Variants in DDHD1 observed in about 807,000 individuals in gnomAD.
DDHD1 encodes phospholipase DDHD1.
Under a neutral mutation model 96.4 loss-of-function variants are expected in DDHD1, and 49 were observed. The observed-to-expected ratio is 0.51, with a 90% confidence interval of 0.40 to 0.64. The LOEUF (loss-of-function observed/expected upper bound fraction) is 0.64. DDHD1 is among the 30% of genes least tolerant of loss of function. The pLI is 0.00. For missense variants in DDHD1, 1,106 were observed against 1,161.2 expected, an observed-to-expected ratio of 0.95 and a Z score of 0.69; for synonymous variants, 442 against 446.5, an observed-to-expected ratio of 0.99 and a Z score of 0.13.
At chr14:53,059,135 G>A (rs772011771) in intron 8 of DDHD1, among the ~76,000 whole-genome samples, 4 of 152,170 alleles carry the variant, frequency 2.6e-5, no homozygotes, top group African/African-American at 4.8e-5. Context: ...GACGAGAAAG[G>A]TTTCTACAGC....
chr14:53,135,862 G>C (rs1249394337), intron 1 of DDHD1, among the ~76,000 whole-genome samples: 1 of 152,164 alleles, frequency 6.6e-6, no homozygotes, highest in African/African-American at 2.4e-5. Context: ...AGACAGAAGA[G>C]GACAGTGATC....
At chr14:53,062,879 C>T in intron 7 of DDHD1, 64 bp downstream of exon 7, 6 of 1,516,990 alleles carry the variant, frequency 4.0e-6, no homozygotes, top group East Asian at 2.3e-5. Flanking sequence ...TTAGTTTTCT[C>T]GTAAGAGGTC....
In DDHD1 at chr14:53,054,526, A is replaced by T; in HGVS notation, c.2349T>A (p.Asp783Glu). ...SSETSKDSME[D>E]EKKPVASPSA... is the part of the protein sequence containing the mutation. The stretch of plus-strand genomic sequence containing the variant: ...AAGGTGAGGCAACTGGCTTCTTCTC[A>T]TCTTCCATTGAGTCTTTTGATGTTT... The change falls in exon 11 of 13, where the codon GAT becomes GAA. Residue 783 changes from aspartate (D) to glutamate (E), a missense_variant. Asp to Glu is a conservative substitution (Grantham distance 45). Around this residue, in one of 2 missense-constraint regions of DDHD1, gnomAD observed 650 missense variants for 758.8 expected, o/e 0.86. Coordinates refer to ENST00000673822, the MANE Select transcript of DDHD1 (RefSeq NM_001160148.2). The T allele has an allele frequency of 6.2e-7, 1 of 1,614,144 alleles. No homozygotes were observed. Among genetic ancestry groups the T allele is most frequent in the Non-Finnish European group, 8.5e-7 (1 of 1,179,982 alleles).
In DDHD1 at chr14:53,051,902, A is replaced by G; in HGVS notation, c.2463T>C (p.Phe821=). The part of the protein sequence containing the change: ...SAYFRLQESF[F]NLPQLLFPEN... ...CCGGAAAAAGAAGTTGTGGGAGATT[A>G]AAGAACGATTCTTGAAGTCTGAAAT... Residue 821 remains phenylalanine (F), a synonymous_variant, in exon 12 of 13, where the codon TTT becomes TTC. Coordinates refer to ENST00000673822, the MANE Select transcript of DDHD1 (RefSeq NM_001160148.2). 3 of 1,595,568 alleles carry G rather than the reference A, an allele frequency of 1.9e-6. No homozygotes were observed.
rs536685410 is a variant in DDHD1 at position 53,071,377 on chromosome 14, T to C, written c.1503+1220A>G. 7.9e-5 allele frequency among the ~76,000 whole-genome samples: 12 copies of C among 152,194 alleles called. No individual in the cohort carries two copies. In the South Asian group the frequency reaches 2.5e-3, roughly 32 times the overall value. Reference sequence around the variant, plus strand: ...TTTTCAGAGGGAAAAAAAAGAATAATTGCAAATATTTCCACGGTTATCTCT... The same window carrying C: ...TTTTCAGAGGGAAAAAAAAGAATAACTGCAAATATTTCCACGGTTATCTCT... On this transcript the variant is annotated intron_variant, in intron 6 of 12. Coordinates refer to ENST00000673822, the MANE Select transcript of DDHD1 (RefSeq NM_001160148.2).
chr14:53,081,408 T>C (rs543216914), intron 4 of DDHD1, among the ~76,000 whole-genome samples: 51 of 152,318 alleles, frequency 3.3e-4, no homozygotes, highest in African/African-American at 1.2e-3. Context: ...CATTGTGGCA[T>C]AGTAATTAGG....
At chr14:53,098,526 C>T (rs116479185) in intron 2 of DDHD1, among the ~76,000 whole-genome samples, 4 of 151,928 alleles carry the variant, frequency 2.6e-5, no homozygotes, top group Admixed American at 2.0e-4. Flanking sequence ...AACCTGCCAA[C>T]TATAATGAGA....
chr14:53,093,305 T>C lies in DDHD1; in HGVS notation c.1141+11A>G. 1 of 1,601,756 alleles carries C rather than the reference T, an allele frequency of 6.2e-7. No homozygotes were observed. Among genetic ancestry groups the C allele is most frequent in the East Asian group, 2.2e-5 (1 of 44,660 alleles). On this transcript the variant is annotated intron_variant, in intron 3 of 12. Coordinates refer to ENST00000673822, the MANE Select transcript of DDHD1 (RefSeq NM_001160148.2). ...AAATTTTGATAAGCTCTAGTAATAT[T>C]TAACAATTACCTTTAGAAAATCCCA...
intron 11 of DDHD1, chr14:53,052,731 T>A (rs1422891229): frequency 3.3e-5 from 5 of 151,966 alleles, no homozygotes; most frequent in Admixed American, 6.6e-5. Flanking sequence ...ATGTGTAATA[T>A]GTATAATATA....
At chr14:53,124,819 C>T (rs933512642) in intron 1 of DDHD1, among the ~76,000 whole-genome samples, 7 of 152,156 alleles carry the variant, frequency 4.6e-5, no homozygotes, top group Admixed American at 6.5e-5. Flanking sequence ...AAAGATTGAG[C>T]GGCTTAAACA....
chr14:53,111,304 T>C (rs1291222024), intron 1 of DDHD1, among the ~76,000 whole-genome samples: 3 of 152,252 alleles, frequency 2.0e-5, no homozygotes, highest in African/African-American at 7.2e-5. Flanking sequence ...TGTTTTCTTA[T>C]AGAAAAACAT....
chr14:53,144,728 T>C (rs1308279579), intron 1 of DDHD1, among the ~76,000 whole-genome samples: 2 of 152,316 alleles, frequency 1.3e-5, no homozygotes, highest in East Asian at 1.9e-4. Context: ...CAATAAAATA[T>C]GAACTAAAAG....
chr14:53,059,449 G>A (rs1248942170), intron 8 of DDHD1, among the ~76,000 whole-genome samples: 1 of 151,548 alleles, frequency 6.6e-6, no homozygotes, highest in East Asian at 2.0e-4. Context: ...CTTTTACTGT[G>A]TTAGTCAGGA....
At chr14:53,146,600 A>G (rs1891001016) in intron 1 of DDHD1, among the ~76,000 whole-genome samples, 1 of 152,142 alleles carries the variant, frequency 6.6e-6, no homozygotes, top group Non-Finnish European at 1.5e-5. Context: ...AATCATATCA[A>G]TTTTGCTACT....
chr14:53,101,636 T>C (rs1480547497), intron 2 of DDHD1, among the ~76,000 whole-genome samples: 5 of 152,042 alleles, frequency 3.3e-5, no homozygotes, highest in Admixed American at 6.5e-5. Flanking sequence ...ATTGCTACCC[T>C]AGAACTGATA....
chr14:53,064,923 A>T (rs1164235312), intron 6 of DDHD1, among the ~76,000 whole-genome samples: 2 of 151,934 alleles, frequency 1.3e-5, no homozygotes, highest in Non-Finnish European at 2.9e-5. Flanking sequence ...TCTAATTGGA[A>T]TTTTTTTTCC....
intron 1 of DDHD1, among the ~76,000 whole-genome samples, chr14:53,126,689 C>T (rs780888238): frequency 6.6e-6 from 1 of 152,182 alleles, no homozygotes; most frequent in Non-Finnish European, 1.5e-5. Context: ...TTCTTTAAGA[C>T]TCATATCAAG....
intron 1 of DDHD1, among the ~76,000 whole-genome samples, chr14:53,147,032 T>G (rs1891042198): frequency 6.6e-6 from 1 of 151,892 alleles, no homozygotes; most frequent in Admixed American, 6.6e-5. Context: ...TTATTAGGAA[T>G]TCCATAACTA....
chr14:53,097,675 A>G (rs1886987507), intron 2 of DDHD1, among the ~76,000 whole-genome samples: 2 of 151,988 alleles, frequency 1.3e-5, no homozygotes, highest in Admixed American at 1.3e-4. Context: ...AACGTGAACC[A>G]ATTCCATATT....
Sources: allele counts gnomAD v4.1 joint callset (sites outside exome capture counted in the v4.1 genomes callset), GRCh38; gene constraint gnomAD v4.1.1; regional missense constraint gnomAD v4.1.1; transcripts MANE v1.5; gene names NCBI Gene and HGNC (gene_info 2026-07-23, HGNC 2026-07-21).